The following BCL11B variants were observed in gnomAD, a reference collection of about 807,000 sequenced individuals.
BCL11B encodes B-cell lymphoma/leukemia 11B.
Under a neutral mutation model 49.9 loss-of-function variants are expected in BCL11B, and 8 were observed. The observed-to-expected ratio is 0.16, with a 90% CI of 0.09 to 0.29. The LOEUF (loss-of-function observed/expected upper bound fraction) is 0.29. Among genes scored for constraint, BCL11B ranks in the 10% least tolerant of loss-of-function variants. BCL11B has a pLI of 1.00. For missense variants in BCL11B, 1,006 were observed against 1,351.0 expected (o/e 0.74, Z 4.00); for synonymous variants, 739 against 637.4 (o/e 1.16, Z -2.40).
At chr14:99,267,553 C>A (rs1406955288) in intron 1 of BCL11B, among the ~76,000 whole-genome samples, 2 of 130,352 alleles carry the variant, frequency 1.5e-5, no homozygotes, top group South Asian at 2.6e-4. Flanking sequence ...CACCCCCCCC[C>A]CACCAACTAA....
chr14:99,226,474 G>T (rs963551365), intron 3 of BCL11B, among the ~76,000 whole-genome samples: 1 of 152,180 alleles, frequency 6.6e-6, no homozygotes, highest in African/African-American at 2.4e-5. Flanking sequence ...ATCAGCAGGG[G>T]CCTGGTGAGG....
At chr14:99,198,271 C>T (rs930934717) in intron 3 of BCL11B, among the ~76,000 whole-genome samples, 2 of 152,192 alleles carry the variant, frequency 1.3e-5, no homozygotes, top group African/African-American at 4.8e-5. Flanking sequence ...TATAATCCAT[C>T]AAAATAACTT....
At chr14:99,211,468 G>T (rs1460404432) in intron 3 of BCL11B, among the ~76,000 whole-genome samples, 1 of 152,216 alleles carries the variant, frequency 6.6e-6, no homozygotes, top group Non-Finnish European at 1.5e-5. Flanking sequence ...TGGTCTCAGG[G>T]TATAGCGTAG....
chr14:99,259,427 G>C (rs1889274239), intron 1 of BCL11B, among the ~76,000 whole-genome samples: 1 of 152,202 alleles, frequency 6.6e-6, no homozygotes, highest in Admixed American at 6.5e-5. Context: ...GTGTGAAACT[G>C]AATACAGAAT....
At position 99,228,950 on chromosome 14, in the gene BCL11B, G is replaced by A. The variant is rs139680054; in HGVS notation, c.640+2395C>T. ...TGGATGGATGGATGAACGGATGGGTGGATGGATGGATGCATGGATGGATGC... is the reference window on the plus strand; with the variant it reads ...TGGATGGATGGATGAACGGATGGGTAGATGGATGGATGCATGGATGGATGC... On this transcript the variant is annotated intron_variant, in intron 3 of 3. Transcript: ENST00000357195. The surrounding 1 kb of genome is among the most constrained non-coding windows in gnomAD (Gnocchi z 4.8). Among the ~76,000 whole-genome samples, 21 of 152,250 alleles carry A rather than the reference G, an allele frequency of 1.4e-4. No individual in the cohort carries two copies. The highest frequency in any genetic ancestry group is 2.8e-4 in the Non-Finnish European group (19 of 68,016).
At chr14:99,218,413 G>A (rs1436900252) in intron 3 of BCL11B, among the ~76,000 whole-genome samples, 3 of 151,860 alleles carry the variant, frequency 2.0e-5, no homozygotes, top group Non-Finnish European at 4.4e-5. Context: ...CCGCCCTATC[G>A]TTAATAGTTG....
intron 3 of BCL11B, among the ~76,000 whole-genome samples, chr14:99,199,683 T>TGTGTGTGTGTGTGTGCGCGC (rs759599743): frequency 2.7e-5 from 2 of 73,644 alleles, no homozygotes; most frequent in East Asian, 3.1e-4. Context: ...TGTGTGTGTG[T>TGTGTGTGTGTGTGTGCGCGC]GCGCGCGCGC....
chr14:99,224,574 G>C (rs1888105536), intron 3 of BCL11B, among the ~76,000 whole-genome samples: 2 of 152,180 alleles, frequency 1.3e-5, no homozygotes, highest in African/African-American at 4.8e-5. Flanking sequence ...GTCTCACAAG[G>C]CTTTCCGGCA....
chr14:99,189,518 T>C (rs1018424401), intron 3 of BCL11B, among the ~76,000 whole-genome samples: 5 of 152,154 alleles, frequency 3.3e-5, no homozygotes, highest in Admixed American at 6.5e-5. Context: ...GGAGAGAAAC[T>C]AATGTCGACA....
At chr14:99,268,943 A>G (rs1453603147) in intron 1 of BCL11B, among the ~76,000 whole-genome samples, 3 of 152,122 alleles carry the variant, frequency 2.0e-5, no homozygotes, top group Non-Finnish European at 4.4e-5. Context: ...GAAGGATGGG[A>G]AAGTGCTGCA....
chr14:99,179,037 G>A (rs768942761), intron 3 of BCL11B, among the ~76,000 whole-genome samples: 8 of 152,216 alleles, frequency 5.3e-5, no homozygotes, highest in Non-Finnish European at 1.0e-4. Flanking sequence ...AATGCAGAGC[G>A]CTTACGCAGG....
In BCL11B at chr14:99,231,199, A is replaced by G. The variant is rs1384738616; in HGVS notation, c.640+146T>C. 2 of 890,010 alleles carry G rather than the reference A, an allele frequency of 2.2e-6. No individual in the cohort carries two copies. The highest frequency in any genetic ancestry group is 3.3e-6 in the Non-Finnish European group (2 of 598,010). The allele number at this position is 890,010 out of a possible 1,614,324, so 55.1% of individuals were successfully genotyped here. A position where few individuals can be genotyped will look rare whatever the true frequency, so the allele number is the denominator to read the frequency against. The stretch of plus-strand genomic sequence containing the variant: ...GGCCCTGGCTCATAGTTCAGCGAAC[A>G]TTCTTTACCACTTCCCCTGGCACCC... On this transcript the variant is annotated intron_variant, in intron 3 of 3. Transcript: ENST00000357195. The surrounding 1 kb of genome is among the most constrained non-coding windows in gnomAD (Gnocchi z 8.1).
chr14:99,182,001 C>T (rs923347842), intron 3 of BCL11B, among the ~76,000 whole-genome samples: 5 of 152,124 alleles, frequency 3.3e-5, no homozygotes, highest in Non-Finnish European at 5.9e-5. Context: ...TCTTTCATGA[C>T]GTCAGAAAGG....
Position 99,230,029 on chromosome 14 carries a change from A to G in BCL11B, c.640+1316T>C, listed in dbSNP as rs375782454. Among the ~76,000 whole-genome samples the G allele has an allele frequency of 2.9e-4, 44 of 152,294 alleles. 1 individual carries two copies. The highest frequency in any genetic ancestry group is 9.9e-4 in the African/African-American group (41 of 41,572). ...TTTTGGGTTTTGCTTTGTGCCTTTA[A>G]GGCACAAGTCCAGTAAGAAACCAGA... On this transcript the variant is annotated intron_variant, in intron 3 of 3. Coordinates refer to ENST00000357195, the MANE Select transcript of BCL11B (RefSeq NM_138576.4).
rs1162842913 is a variant in BCL11B at position 99,183,353 on chromosome 14, C to T, written c.641-7158G>A. The stretch of plus-strand genomic sequence containing the variant: ...TTATTTAAAATTCATCTTCCAGACT[C>T]CAAGCTCCTTGAGGACAGGGACTGC... On this transcript the variant is annotated intron_variant, in intron 3 of 3. Transcript: ENST00000357195. Among the ~76,000 whole-genome samples the T allele has an allele frequency of 2.6e-5, 4 of 152,306 alleles. No homozygotes were observed. In the East Asian group the frequency reaches 5.8e-4, roughly 22 times the overall value.
intron 3 of BCL11B, among the ~76,000 whole-genome samples, chr14:99,200,139 A>C (rs1163006202): frequency 2.0e-5 from 3 of 151,830 alleles, no homozygotes; most frequent in Admixed American, 6.6e-5. Context: ...TTATTGACAC[A>C]CATCACGGGT....
At chr14:99,207,305 A>T (rs1887560231) in intron 3 of BCL11B, among the ~76,000 whole-genome samples, 1 of 152,184 alleles carries the variant, frequency 6.6e-6, no homozygotes, top group Non-Finnish European at 1.5e-5. Flanking sequence ...GCTCCAGCTC[A>T]GGGGGCCCCC....
At position 99,241,942 on chromosome 14, in the gene BCL11B, C is replaced by T. The variant is rs1888682374; in HGVS notation, c.428-10385G>A. Among the ~76,000 whole-genome samples, 1 of 152,134 alleles carries T rather than the reference C, an allele frequency of 6.6e-6. No homozygotes were observed. Among genetic ancestry groups the T allele is most frequent in the Non-Finnish European group, 1.5e-5 (1 of 68,028 alleles). On this transcript the variant is annotated intron_variant, in intron 2 of 3. Coordinates refer to ENST00000357195, the MANE Select transcript of BCL11B (RefSeq NM_138576.4). The surrounding 1 kb of genome is among the most constrained non-coding windows in gnomAD (Gnocchi z 4.4). ...CCAACAGATTTTTCACTACCGAAGACGCCAAGCGTAAACATGATTTATTTA... is the reference window on the plus strand; with the variant it reads ...CCAACAGATTTTTCACTACCGAAGATGCCAAGCGTAAACATGATTTATTTA...
intron 3 of BCL11B, among the ~76,000 whole-genome samples, chr14:99,196,901 C>T (rs1041288112): frequency 6.6e-6 from 1 of 152,182 alleles, no homozygotes; most frequent in Non-Finnish European, 1.5e-5. Flanking sequence ...AGGATCCTCA[C>T]CAGTTGAGAT....
Sources: gnomAD v4.1 joint callset for allele counts (sites outside exome capture counted in the v4.1 genomes callset) on GRCh38, gnomAD v4.1.1 for gene constraint, Gnocchi (gnomAD v3.1) non-coding constraint, MANE v1.5 for transcripts, NCBI Gene and HGNC (gene_info 2026-07-23, HGNC 2026-07-21) for gene names.